The following KCNG2 variants were observed in gnomAD, a reference collection of about 807,000 sequenced individuals.
The protein encoded by KCNG2 is potassium voltage-gated channel modifier subfamily G member 2.
KCNG2 carries 7 observed loss-of-function variants against 12.3 expected under a neutral mutation model. That is an observed-to-expected ratio of 0.57 (90% CI 0.32 to 1.07). KCNG2 has a LOEUF of 1.07. Ranked by LOEUF, KCNG2 falls within the 50% of genes least tolerant of loss-of-function variation. The pLI is 0.04. For synonymous variants in KCNG2, 414 were observed against 351.4 expected (o/e 1.18, Z -1.99); for missense variants, 703 against 726.0 (o/e 0.97, Z 0.36).
At chr18:79,802,473 T>C (rs920639289) in intron 1 of KCNG2, among the ~76,000 whole-genome samples, 5 of 152,180 alleles carry the variant, frequency 3.3e-5, no homozygotes, top group African/African-American at 1.2e-4. Flanking sequence ...GGCCTCGACA[T>C]CTGTCCCAGC....
chr18:79,866,151 TCGGTATGCTGAGAGGA>T (rs1324129248), intron 3 of KCNG2, among the ~76,000 whole-genome samples: 11 of 138,166 alleles, frequency 8.0e-5, no homozygotes, highest in Admixed American at 1.4e-4. Flanking sequence ...TGCTGAGAGG[TCGGTATGCTGAGAGGA>T]CTGTGTGCTG....
At position 79,864,255 on chromosome 18, in the gene KCNG2, G is replaced by A. The variant is rs201865222; in HGVS notation, c.588G>A (p.Leu196=). Residue 196 remains leucine, a synonymous_variant, in exon 3 of 4, where the codon CTG becomes CTA. Transcript: ENST00000316249. The part of the protein sequence containing the change: ...FVAVTAVGLC[L]STMPDIRAEE... The stretch of plus-strand genomic sequence containing the variant: ...CCGTCACGGCCGTGGGCCTCTGCCT[G>A]AGCACCATGCCGGACATCCGCGCCG... The A allele has an allele frequency of 1.0e-5, 16 of 1,548,524 alleles. No homozygotes were observed. The highest frequency in any genetic ancestry group is 1.4e-5 in the Non-Finnish European group (16 of 1,152,690).
At chr18:79,887,794 C>A (rs577912220) in intron 3 of KCNG2, among the ~76,000 whole-genome samples, 3 of 152,318 alleles carry the variant, frequency 2.0e-5, no homozygotes, top group South Asian at 2.1e-4. Context: ...GTGGCTCCCC[C>A]ACTTTTCCCA....
At chr18:79,828,991 G>A (rs111164333) in intron 1 of KCNG2, among the ~76,000 whole-genome samples, 1 of 117,000 alleles carries the variant, frequency 8.5e-6, no homozygotes, top group Non-Finnish European at 1.8e-5. Flanking sequence ...GTGTGCGTGT[G>A]TGTAACATGT....
intron 1 of KCNG2, among the ~76,000 whole-genome samples, chr18:79,848,943 G>T (rs893820155): frequency 1.3e-5 from 2 of 152,160 alleles, no homozygotes; most frequent in African/African-American, 4.8e-5. Context: ...GTTAATGACC[G>T]CCTGGCGCCT....
chr18:79,873,432 C>G (rs986860767), intron 3 of KCNG2, among the ~76,000 whole-genome samples: 3 of 145,018 alleles, frequency 2.1e-5, no homozygotes, highest in South Asian at 2.4e-4. Flanking sequence ...CCCCTCCCCC[C>G]CCCCCAGCCA....
Position 79,800,672 on chromosome 18 carries a change from C to A in KCNG2, c.-115+2658C>A, listed in dbSNP as rs562171612. ...CGCGGCTTTCCGGCAGGAGCCTCAG[C>A]AGTTCCTTCCCCGGGCGGGCGGCGC... On this transcript the variant is annotated intron_variant, in intron 1 of 3. Transcript: ENST00000316249. The surrounding 1 kb of genome is among the most constrained non-coding windows in gnomAD (Gnocchi z 4.0). Among the ~76,000 whole-genome samples, 1 of 152,382 alleles carries A rather than the reference C, an allele frequency of 6.6e-6. No homozygotes were observed. The highest frequency in any genetic ancestry group is 2.4e-5 in the African/African-American group (1 of 41,600).
intron 3 of KCNG2, among the ~76,000 whole-genome samples, chr18:79,887,533 G>A (rs1437048313): frequency 1.3e-5 from 2 of 152,122 alleles, no homozygotes; most frequent in East Asian, 3.8e-4. Flanking sequence ...ACTCAGCCTG[G>A]GCACCTCCTG....
chr18:79,803,927 G>A lies in KCNG2; in HGVS notation c.-115+5913G>A, dbSNP rs1057423771. 4.6e-5 allele frequency among the ~76,000 whole-genome samples: 7 copies of A among 152,236 alleles called. No homozygotes were observed. The highest frequency in any genetic ancestry group is 2.1e-4 in the South Asian group (1 of 4,834). On this transcript the variant is annotated intron_variant, in intron 1 of 3. Transcript: ENST00000316249. This position sits in a 1 kb window ranked among gnomAD's most constrained non-coding sequence, Gnocchi z 4.5. The stretch of plus-strand genomic sequence containing the variant: ...TCAGAATCTTAGGCCTGGCCTGGCC[G>A]TGTCACTCCTATCTCACCTTCAGGG...
chr18:79,822,386 T>C lies in KCNG2; in HGVS notation c.-115+24372T>C, dbSNP rs1381299775. ...CACCATCGTTCCCATCATCCGTCTGTAATAGCTCTCCAGTTTGTTTTTCGT... is the reference window on the plus strand; with the variant it reads ...CACCATCGTTCCCATCATCCGTCTGCAATAGCTCTCCAGTTTGTTTTTCGT... On this transcript the variant is annotated intron_variant, in intron 1 of 3. Coordinates refer to ENST00000316249, the MANE Select transcript of KCNG2 (RefSeq NM_012283.2). This position sits in a 1 kb window ranked among gnomAD's most constrained non-coding sequence, Gnocchi z 4.4. 1.3e-5 allele frequency among the ~76,000 whole-genome samples: 2 copies of C among 152,208 alleles called. No homozygotes were observed. The highest frequency in any genetic ancestry group is 1.5e-5 in the Non-Finnish European group (1 of 68,034).
At chr18:79,849,237 C>G (rs1378892360) in intron 1 of KCNG2, among the ~76,000 whole-genome samples, 1 of 152,194 alleles carries the variant, frequency 6.6e-6, no homozygotes, top group Non-Finnish European at 1.5e-5. Context: ...AGCGTGGTCC[C>G]GTCCTTAGCC....
rs571343101 is a variant in KCNG2 at position 79,802,468 on chromosome 18, C to T, written c.-115+4454C>T. ...CGCTCCGGTCCGGAGAGCCTGGCCT[C>T]GACATCTGTCCCAGCCCGGCCGCTG... On this transcript the variant is annotated intron_variant, in intron 1 of 3. Coordinates refer to ENST00000316249, the MANE Select transcript of KCNG2 (RefSeq NM_012283.2). 1.6e-4 allele frequency among the ~76,000 whole-genome samples: 25 copies of T among 152,226 alleles called. 1 individual carries two copies. In the South Asian group the frequency reaches 4.6e-3, roughly 28 times the overall value.
chr18:79,882,856 AGGCCGGGTACACCTGCGCGTGGAGCGCG>A, intron 3 of KCNG2, among the ~76,000 whole-genome samples: 3 of 151,144 alleles, frequency 2.0e-5, no homozygotes, highest in South Asian at 4.2e-4. Flanking sequence ...TGGAGCGCGG[AGGCCGGGTACACCTGCGCGTGGAGCGCG>A]GAGGCCGGGT....
chr18:79,857,278 C>T (rs1045823566), intron 2 of KCNG2, among the ~76,000 whole-genome samples: 8 of 150,286 alleles, frequency 5.3e-5, no homozygotes, highest in African/African-American at 1.7e-4. Flanking sequence ...GCGAACTTGG[C>T]GCTGAAGGTC....
At chr18:79,870,257 T>A (rs1979778496) in intron 3 of KCNG2, among the ~76,000 whole-genome samples, 1 of 152,178 alleles carries the variant, frequency 6.6e-6, no homozygotes, top group African/African-American at 2.4e-5. Flanking sequence ...TGGGCCCTAA[T>A]GGCTGCGGAA....
In KCNG2 at chr18:79,822,682, C is replaced by T. The variant is rs775960130; in HGVS notation, c.-115+24668C>T. Among the ~76,000 whole-genome samples the T allele has an allele frequency of 1.5e-4, 23 of 152,300 alleles. No homozygotes were observed. The highest frequency in any genetic ancestry group is 2.4e-4 in the African/African-American group (10 of 41,576). On this transcript the variant is annotated intron_variant, in intron 1 of 3. Transcript: ENST00000316249. The surrounding 1 kb of genome is among the most constrained non-coding windows in gnomAD (Gnocchi z 4.4). ...CTGACCTCAAGGGATCCACCCACCC[C>T]GGCCTCCAAAGTGCTGAGATCACAG...
Position 79,884,014 on chromosome 18 carries a change from C to A in KCNG2, c.625-15026C>A, listed in dbSNP as rs1473465380. On this transcript the variant is annotated intron_variant, in intron 3 of 3. Transcript: ENST00000316249. The surrounding 1 kb of genome is among the most constrained non-coding windows in gnomAD (Gnocchi z 5.5). ...GTCCCCCGCCCCCGTCTAGCCAGTC[C>A]CCACGTCCTGACGTTTCTATCCCAA... 6.6e-6 allele frequency among the ~76,000 whole-genome samples: 1 copy of A among 151,800 alleles called. No homozygotes were observed. The highest frequency in any genetic ancestry group is 6.6e-5 in the Admixed American group (1 of 15,256).
intron 1 of KCNG2, among the ~76,000 whole-genome samples, chr18:79,804,359 C>T (rs958903960): frequency 9.2e-5 from 14 of 152,322 alleles, no homozygotes; most frequent in South Asian, 4.1e-4. Context: ...GAGCTCCTGC[C>T]GGCCGGTGCT....
intron 2 of KCNG2, among the ~76,000 whole-genome samples, chr18:79,860,156 C>T (rs995061173): frequency 1.3e-5 from 2 of 152,108 alleles, no homozygotes; most frequent in African/African-American, 2.4e-5. Flanking sequence ...GATCTCATTT[C>T]GACACAAGAT....
Sources: allele counts gnomAD v4.1 joint callset (sites outside exome capture counted in the v4.1 genomes callset), GRCh38; gene constraint gnomAD v4.1.1; non-coding constraint Gnocchi (gnomAD v3.1); transcripts MANE v1.5; gene names NCBI Gene and HGNC (gene_info 2026-07-23, HGNC 2026-07-21).